The following EIF2B3 variants were observed in gnomAD, a reference collection of about 807,000 sequenced individuals.
EIF2B3 encodes translation initiation factor eIF2B subunit gamma.
Under a neutral mutation model 54.1 loss-of-function variants are expected in EIF2B3, and 20 were observed. That is an observed-to-expected ratio of 0.37 (90% CI 0.26 to 0.54). EIF2B3 has a LOEUF of 0.54. Among genes scored for constraint, EIF2B3 ranks in the 20% least tolerant of loss-of-function variants. The pLI, the probability that EIF2B3 is intolerant of heterozygous loss-of-function variation, is 0.86. For missense variants in EIF2B3, 448 were observed against 547.8 expected, an observed-to-expected ratio of 0.82 and a Z score of 1.82; for synonymous variants, 153 against 188.1, an observed-to-expected ratio of 0.81 and a Z score of 1.52.
At chr1:44,858,269 G>A (rs2148893503) in intron 10 of EIF2B3, among the ~76,000 whole-genome samples, 1 of 151,844 alleles carries the variant, frequency 6.6e-6, no homozygotes, top group East Asian at 1.9e-4. Context: ...AGAACCTAGA[G>A]GTCTAAATTC....
chr1:44,939,101 C>CAAAAAAAA (rs35410499), intron 4 of EIF2B3, among the ~76,000 whole-genome samples: 19 of 56,220 alleles, frequency 3.4e-4, no homozygotes, highest in East Asian at 6.1e-4. Context: ...GACCCTGTCT[C>CAAAAAAAA]AAAAAAAAAA....
chr1:44,937,035 A>G (rs149528139), intron 4 of EIF2B3, among the ~76,000 whole-genome samples: 29 of 152,338 alleles, frequency 1.9e-4, no homozygotes, highest in Non-Finnish European at 3.1e-4. Context: ...TGTGCTCTTA[A>G]CAATCATGGT....
chr1:44,911,840 A>T (rs1184007255), intron 5 of EIF2B3, among the ~76,000 whole-genome samples: 4 of 148,992 alleles, frequency 2.7e-5, no homozygotes, highest in Non-Finnish European at 6.0e-5. Flanking sequence ...TATATCTCCC[A>T]ATGCTATCCC....
chr1:44,975,398 C>T (rs1414404149), intron 3 of EIF2B3, among the ~76,000 whole-genome samples: 1 of 152,090 alleles, frequency 6.6e-6, no homozygotes, highest in Non-Finnish European at 1.5e-5. Context: ...AATGTACTTA[C>T]TCAAACCTAG....
At chr1:44,883,982 G>T (rs1310550652) in intron 6 of EIF2B3, among the ~76,000 whole-genome samples, 1 of 152,158 alleles carries the variant, frequency 6.6e-6, no homozygotes, top group Non-Finnish European at 1.5e-5. Flanking sequence ...GGGACCACAG[G>T]CATGTGCCAC....
At position 44,970,978 on chromosome 1, in the gene EIF2B3, T is replaced by A. The variant is rs571392428; in HGVS notation, c.294+7337A>T. Among the ~76,000 whole-genome samples, 25 of 152,234 alleles carry A rather than the reference T, an allele frequency of 1.6e-4. No individual in the cohort carries two copies. In the East Asian group the frequency reaches 4.8e-3, roughly 29 times the overall value. On this transcript the variant is annotated intron_variant, in intron 3 of 11. Coordinates refer to ENST00000360403, the MANE Select transcript of EIF2B3 (RefSeq NM_020365.5). ...GTAGGATTATATGTAAGAGATTCTG[T>A]GTAAATGATGTGGGGGAACGGGTAA...
At chr1:44,852,779 C>CA (rs35073051) in intron 11 of EIF2B3, among the ~76,000 whole-genome samples, 10,448 of 111,738 alleles carry the variant, frequency 0.094, 1,284 homozygotes, top group African/African-American at 0.29. Flanking sequence ...AACTCTGTCT[C>CA]AAAAAAAAAA....
At chr1:44,858,066 G>A (rs1012452823) in intron 10 of EIF2B3, among the ~76,000 whole-genome samples, 3 of 138,122 alleles carry the variant, frequency 2.2e-5, no homozygotes, top group African/African-American at 7.8e-5. Flanking sequence ...CTTCACTTCA[G>A]TTCCTTTTTT....
Position 44,850,922 on chromosome 1 carries a change from A to C in EIF2B3, c.*29T>G, listed in dbSNP as rs761055649. The C allele has an allele frequency of 5.0e-6, 8 of 1,613,634 alleles. No homozygotes were observed. In the East Asian group the frequency reaches 1.6e-4, roughly 31 times the overall value. On this transcript the variant is annotated 3_prime_UTR_variant, in exon 12 of 12. Coordinates refer to ENST00000360403, the MANE Select transcript of EIF2B3 (RefSeq NM_020365.5). ...GCCAACATCTGTGGCTTTGGAGGCC[A>C]AAAGGAAGGAGTCTGACTTGCTCAG...
intron 10 of EIF2B3, among the ~76,000 whole-genome samples, chr1:44,869,526 A>C (rs1654894479): frequency 6.7e-6 from 1 of 150,328 alleles, no homozygotes; most frequent in African/African-American, 2.5e-5. Flanking sequence ...ACTCCCAATA[A>C]ACCTACAAGG....
chr1:44,931,679 T>A (rs1557691361), intron 4 of EIF2B3, among the ~76,000 whole-genome samples: 1 of 152,200 alleles, frequency 6.6e-6, no homozygotes, highest in East Asian at 1.9e-4. Context: ...CCAGGTATCA[T>A]CATCACATCA....
chr1:44,957,246 A>G (rs1644235217), intron 3 of EIF2B3, among the ~76,000 whole-genome samples: 1 of 119,844 alleles, frequency 8.3e-6, no homozygotes, highest in African/African-American at 3.3e-5. Context: ...AGCCTAGGCG[A>G]CAGGGCAAGA....
intron 5 of EIF2B3, among the ~76,000 whole-genome samples, chr1:44,903,534 T>A (rs1357462955): frequency 6.6e-6 from 1 of 152,196 alleles, no homozygotes; most frequent in East Asian, 1.9e-4. Context: ...TTCCCCAATA[T>A]GCTCATTGTA....
chr1:44,879,060 C>A (rs1278466011), intron 8 of EIF2B3, among the ~76,000 whole-genome samples: 1 of 152,196 alleles, frequency 6.6e-6, no homozygotes, highest in East Asian at 1.9e-4. Context: ...CGTGCCCGGA[C>A]TCTTTTCTTA....
intron 3 of EIF2B3, among the ~76,000 whole-genome samples, chr1:44,968,304 T>C (rs1170565218): frequency 7.0e-6 from 1 of 142,798 alleles, no homozygotes; most frequent in African/African-American, 2.6e-5. Context: ...AGGTCAGGGC[T>C]GAAGTGAGTC....
intron 3 of EIF2B3, among the ~76,000 whole-genome samples, chr1:44,978,026 G>A (rs1226907882): frequency 6.6e-6 from 1 of 152,152 alleles, no homozygotes; most frequent in East Asian, 1.9e-4. Flanking sequence ...GATCACCTGA[G>A]GTCAGGAGTT....
intron 4 of EIF2B3, among the ~76,000 whole-genome samples, chr1:44,936,514 C>T (rs1643948837): frequency 6.6e-6 from 1 of 152,010 alleles, no homozygotes; most frequent in Non-Finnish European, 1.5e-5. Flanking sequence ...TTGCTTGAAC[C>T]CGAGAGGCAG....
chr1:44,936,425 C>CAAA (rs35416105), intron 4 of EIF2B3, among the ~76,000 whole-genome samples: 1 of 133,444 alleles, frequency 7.5e-6, no homozygotes, highest in African/African-American at 2.8e-5. Context: ...ACTAAAAATA[C>CAAA]AAAAAAAAAA....
At chr1:44,868,411 A>G (rs1463511794) in intron 10 of EIF2B3, among the ~76,000 whole-genome samples, 3 of 151,324 alleles carry the variant, frequency 2.0e-5, no homozygotes, top group African/African-American at 7.3e-5. Flanking sequence ...AAAAAAAAAA[A>G]AAAAAAAAAA....
Sources: gnomAD v4.1 joint callset for allele counts (sites outside exome capture counted in the v4.1 genomes callset) on GRCh38, gnomAD v4.1.1 for gene constraint, MANE v1.5 for transcripts, NCBI Gene and HGNC (gene_info 2026-07-23, HGNC 2026-07-21) for gene names.